Variants in PLCB4 observed in about 807,000 individuals in gnomAD.
PLCB4 encodes phospholipase C beta 4.
Under a neutral mutation model 178.8 loss-of-function variants are expected in PLCB4, and 77 were observed. The observed-to-expected ratio is 0.43, with a 90% CI of 0.36 to 0.52. The LOEUF (loss-of-function observed/expected upper bound fraction) is 0.52. Ranked by LOEUF, PLCB4 falls within the 20% of genes least tolerant of loss-of-function variation. The pLI is 0.00. For missense variants in PLCB4, 1,024 were observed against 1,453.4 expected, an observed-to-expected ratio of 0.70 and a Z score of 4.80; for synonymous variants, 496 against 490.8, an observed-to-expected ratio of 1.01 and a Z score of -0.14.
chr20:9,461,767 T>C (rs2043412543), intron 35 of PLCB4, among the ~76,000 whole-genome samples: 1 of 152,106 alleles, frequency 6.6e-6, no homozygotes, highest in South Asian at 2.1e-4. Context: ...TCAAATTGGG[T>C]GGAGCCCACT....
At chr20:9,122,300 T>C (rs1168013373) in intron 2 of PLCB4, among the ~76,000 whole-genome samples, 1 of 152,206 alleles carries the variant, frequency 6.6e-6, no homozygotes, top group Non-Finnish European at 1.5e-5. Context: ...TATTATATAC[T>C]GTATTTTAAA....
At chr20:9,099,185 A>C (rs2091046132) in intron 2 of PLCB4, among the ~76,000 whole-genome samples, 1 of 152,128 alleles carries the variant, frequency 6.6e-6, no homozygotes. Context: ...AAGAAGTTGA[A>C]AGTTGTTGCT....
intron 1 of PLCB4, among the ~76,000 whole-genome samples, chr20:9,076,195 G>T (rs1476171740): frequency 2.6e-5 from 4 of 152,108 alleles, no homozygotes; most frequent in Non-Finnish European, 5.9e-5. Flanking sequence ...GGCCGGGCGC[G>T]ATGGCTCACG....
At chr20:9,221,148 G>A (rs942058663) in intron 3 of PLCB4, among the ~76,000 whole-genome samples, 4 of 152,076 alleles carry the variant, frequency 2.6e-5, no homozygotes, top group Non-Finnish European at 4.4e-5. Context: ...GCAGGGAGAT[G>A]ATTCAAGCAA....
At chr20:9,300,861 C>A (rs926370004) in intron 3 of PLCB4, among the ~76,000 whole-genome samples, 3 of 151,946 alleles carry the variant, frequency 2.0e-5, no homozygotes, top group Non-Finnish European at 4.4e-5. Flanking sequence ...TTCTGGGCTA[C>A]TATAAAAAAT....
intron 25 of PLCB4, among the ~76,000 whole-genome samples, chr20:9,412,920 G>A (rs2039959029): frequency 6.6e-6 from 1 of 152,228 alleles, no homozygotes; most frequent in Non-Finnish European, 1.5e-5. Context: ...ACAAGTGTTT[G>A]TGTACATTTT....
In PLCB4 at chr20:9,408,702, C is replaced by G; in HGVS notation, c.1859C>G (p.Ala620Gly). The G allele has an allele frequency of 1.3e-6, 2 of 1,562,974 alleles. No individual in the cohort carries two copies. The highest frequency in any genetic ancestry group is 1.8e-6 in the Non-Finnish European group (2 of 1,133,866). ...GGTCTTGGCTACTTGAAGACACATG[C>G]AATTGAATTTGTCAAGTATCCTTAT... Reference protein sequence around the residue: ...SVGLGYLKTHAIEFVNYNKRQ... With the variant: ...SVGLGYLKTHGIEFVNYNKRQ... The change falls in exon 23 of 40, where the codon GCA (alanine) becomes GGA (glycine). Residue 620 changes from alanine to glycine, a missense_variant. Physicochemically the swap from Ala to Gly is moderately conservative, Grantham distance 60. Transcript: ENST00000378473.
chr20:9,090,512 G>T (rs58275967), intron 1 of PLCB4, among the ~76,000 whole-genome samples: 607 of 35,850 alleles, frequency 0.017, 8 homozygotes, highest in Middle Eastern at 0.023. Flanking sequence ...TTTTTAGTGT[G>T]TTTTTTTTTT....
chr20:9,347,443 A>G (rs895547916), intron 7 of PLCB4, among the ~76,000 whole-genome samples: 1 of 152,134 alleles, frequency 6.6e-6, no homozygotes, highest in East Asian at 1.9e-4. Flanking sequence ...TGTAGCATTA[A>G]CACACTTGCA....
chr20:9,452,637 C>T (rs1004922043), intron 32 of PLCB4, among the ~76,000 whole-genome samples: 1 of 152,124 alleles, frequency 6.6e-6, no homozygotes, highest in Non-Finnish European at 1.5e-5. Context: ...TATTGAAATA[C>T]CTACTTTCCA....
intron 3 of PLCB4, among the ~76,000 whole-genome samples, chr20:9,282,112 G>A (rs1053996496): frequency 6.6e-6 from 1 of 151,838 alleles, no homozygotes; most frequent in African/African-American, 2.4e-5. Context: ...AGCAAAGCCC[G>A]GCATCAAAAG....
chr20:9,148,878 T>C (rs186010349), intron 2 of PLCB4, among the ~76,000 whole-genome samples: 10 of 152,348 alleles, frequency 6.6e-5, no homozygotes, highest in Admixed American at 6.5e-4. Flanking sequence ...ACATCAGTTA[T>C]TGAACTGTGC....
rs117120424 is a variant in PLCB4 at position 9,361,996 on chromosome 20, T to C, written c.370-900T>C. Among the ~76,000 whole-genome samples the C allele has an allele frequency of 5.2e-3, 790 of 152,304 alleles. 1 individual carries two copies. Among genetic ancestry groups the C allele is most frequent in the Middle Eastern group, 0.02 (6 of 294 alleles). On this transcript the variant is annotated intron_variant, in intron 7 of 39. Coordinates refer to ENST00000378473, the MANE Select transcript of PLCB4 (RefSeq NM_001377142.1). The stretch of plus-strand genomic sequence containing the variant: ...TAGAGTATACGTCTATATTACTATC[T>C]ATTCCAAGATATTTTTCCTTCCTCA...
chr20:9,405,677 GA>G (rs2039385505), intron 21 of PLCB4, among the ~76,000 whole-genome samples: 1 of 152,170 alleles, frequency 6.6e-6, no homozygotes, highest in South Asian at 2.1e-4. Context: ...TGACATTCTG[GA>G]AGATCACTGA....
At chr20:9,125,335 ACT>A (rs1486949883) in intron 2 of PLCB4, among the ~76,000 whole-genome samples, 3 of 152,154 alleles carry the variant, frequency 2.0e-5, no homozygotes, top group African/African-American at 7.2e-5. Flanking sequence ...GGTATATTAT[ACT>A]CTCTGATTTT....
At chr20:9,451,714 A>G (rs559245486) in intron 32 of PLCB4, among the ~76,000 whole-genome samples, 26 of 152,344 alleles carry the variant, frequency 1.7e-4, no homozygotes, top group African/African-American at 5.3e-4. Flanking sequence ...ATGGGTATTG[A>G]ATAGTATAGA....
chr20:9,250,739 C>T (rs531298296), intron 3 of PLCB4, among the ~76,000 whole-genome samples: 13 of 152,310 alleles, frequency 8.5e-5, no homozygotes, highest in African/African-American at 2.9e-4. Flanking sequence ...TAGATTACTT[C>T]ACCTCAAACT....
chr20:9,241,840 A>G (rs1453577071), intron 3 of PLCB4, among the ~76,000 whole-genome samples: 2 of 152,204 alleles, frequency 1.3e-5, no homozygotes, highest in Non-Finnish European at 2.9e-5. Flanking sequence ...TGGGTCAGCT[A>G]GGCTTTTTTT....
At position 9,423,957 on chromosome 20, in the gene PLCB4, G is replaced by A. The variant is rs1210679955; in HGVS notation, c.2524+5G>A. The A allele has an allele frequency of 1.3e-6, 2 of 1,572,350 alleles. No homozygotes were observed. The highest frequency in any genetic ancestry group is 1.7e-6 in the Non-Finnish European group (2 of 1,144,314). ...ATGTGCCTGATGGATTTGGAGGTAA[G>A]ATAAACATTTGGGTACGGAATATGA... On this transcript the variant is annotated splice_donor_5th_base_variant and intron_variant, in intron 28 of 39. Transcript: ENST00000378473.
Sources: gnomAD v4.1 joint callset for allele counts (sites outside exome capture counted in the v4.1 genomes callset) on GRCh38, gnomAD v4.1.1 for gene constraint, MANE v1.5 for transcripts, NCBI Gene and HGNC (gene_info 2026-07-23, HGNC 2026-07-21) for gene names.